The following MSTO1 variants were observed in gnomAD, a reference collection of about 807,000 sequenced individuals.
The protein encoded by MSTO1 is misato mitochondrial distribution and morphology regulator 1.
A neutral mutation model predicts 55.7 loss-of-function variants in MSTO1; 24 were observed. The observed-to-expected ratio is 0.43, with a 90% CI of 0.31 to 0.61. The LOEUF is 0.61. Among genes scored for constraint, MSTO1 ranks in the 20% least tolerant of loss-of-function variants. The probability of loss-of-function intolerance (pLI) is 0.09; values close to 1 mark genes in which losing one functional copy is unlikely to be tolerated. For synonymous variants in MSTO1, 162 were observed against 252.8 expected, an observed-to-expected ratio of 0.64 and a Z score of 3.41; for missense variants, 363 against 625.7, an observed-to-expected ratio of 0.58 and a Z score of 4.48.
At chr1:155,603,009 A>G in the MSTO1 span, among the ~76,000 whole-genome samples, 2 of 152,160 alleles carry the variant, frequency 1.3e-5, no homozygotes, top group African/African-American at 4.8e-5. Flanking sequence ...CTCATTCTGG[A>G]CATTTTCATC....
the MSTO1 span, among the ~76,000 whole-genome samples, chr1:155,568,527 C>G: frequency 2.6e-5 from 4 of 152,156 alleles, no homozygotes. Flanking sequence ...CAACTTCCGC[C>G]TCCCGGATTC....
At chr1:155,572,413 C>G in the MSTO1 span, among the ~76,000 whole-genome samples, 1 of 151,966 alleles carries the variant, frequency 6.6e-6, no homozygotes, top group Admixed American at 6.6e-5. Flanking sequence ...ATATATCCTT[C>G]TTGTTAGAAT....
chr1:155,599,861 C>T, the MSTO1 span, among the ~76,000 whole-genome samples: 1 of 152,204 alleles, frequency 6.6e-6, no homozygotes, highest in African/African-American at 2.4e-5. Context: ...GATATGCATA[C>T]ACATAAACAT....
At chr1:155,592,775 G>A in the MSTO1 span, among the ~76,000 whole-genome samples, 10 of 151,994 alleles carry the variant, frequency 6.6e-5, no homozygotes, top group East Asian at 1.9e-3. Flanking sequence ...GGCTGGTCTC[G>A]AACTCCTGAC....
At chr1:155,609,243 A>ATATGTATATATT (rs59756178), upstream of MSTO1, among the ~76,000 whole-genome samples, 1 of 54,590 alleles carries the variant, frequency 1.8e-5, no homozygotes, top group Non-Finnish European at 3.0e-5. Context: ...ATATATATAT[A>ATATGTATATATT]TTTTTTTTTT....
At chr1:155,605,125 G>A in the MSTO1 span, among the ~76,000 whole-genome samples, 1 of 152,004 alleles carries the variant, frequency 6.6e-6, no homozygotes, top group Non-Finnish European at 1.5e-5. Flanking sequence ...GCCAGGCATG[G>A]TGGTGGGCAC....
At chr1:155,608,909 C>G (rs1476335596), upstream of MSTO1, among the ~76,000 whole-genome samples, 1 of 151,096 alleles carries the variant, frequency 6.6e-6, no homozygotes, top group African/African-American at 2.4e-5. Flanking sequence ...ACTGCAACTT[C>G]CACCTCCCAG....
chr1:155,594,894 T>G, the MSTO1 span, among the ~76,000 whole-genome samples: 1 of 152,130 alleles, frequency 6.6e-6, no homozygotes, highest in Non-Finnish European at 1.5e-5. Flanking sequence ...CCAAGCACTT[T>G]GGGAGGTCAG....
At chr1:155,605,275 C>G (rs775980708), upstream of MSTO1, among the ~76,000 whole-genome samples, 4 of 151,790 alleles carry the variant, frequency 2.6e-5, no homozygotes, top group Non-Finnish European at 4.4e-5. Context: ...CAAAACAAAA[C>G]AAAACAAAAC....
chr1:155,563,546 A>T, the MSTO1 span: 1 of 456,302 alleles, frequency 2.2e-6, no homozygotes, highest in South Asian at 1.5e-5. Flanking sequence ...ATTTCACACC[A>T]CTGTCCATAT....
the MSTO1 span, chr1:155,590,894 C>T: frequency 6.2e-7 from 1 of 1,612,628 alleles, no homozygotes; most frequent in African/African-American, 1.3e-5. Context: ...GTGACAAAGA[C>T]AATCCCAGAG....
the MSTO1 span, among the ~76,000 whole-genome samples, chr1:155,567,843 T>A: frequency 6.7e-6 from 1 of 149,380 alleles, no homozygotes; most frequent in Admixed American, 6.7e-5. Context: ...GAGACCAGCC[T>A]GGCCAACATG....
chr1:155,611,651 A>T, intron 5 of MSTO1, 38 bp from the exon 6 acceptor site: 1 of 1,267,456 alleles, frequency 7.9e-7, no homozygotes, highest in Non-Finnish European at 1.1e-6. Flanking sequence ...GTAGAGCAGA[A>T]ACATGGAGAA....
chr1:155,585,119 A>C, the MSTO1 span, among the ~76,000 whole-genome samples: 1 of 152,192 alleles, frequency 6.6e-6, no homozygotes, highest in South Asian at 2.1e-4. Flanking sequence ...GGACTATAAC[A>C]GTTTGTTCAC....
At chr1:155,590,328 C>T in the MSTO1 span, among the ~76,000 whole-genome samples, 2 of 152,134 alleles carry the variant, frequency 1.3e-5, no homozygotes, top group East Asian at 1.9e-4. Context: ...ATTAGTTCCA[C>T]AGCTTGACTG....
At chr1:155,586,163 A>C in the MSTO1 span, among the ~76,000 whole-genome samples, 1 of 147,518 alleles carries the variant, frequency 6.8e-6, no homozygotes, top group South Asian at 2.1e-4. Context: ...TCTATTTCTC[A>C]GTGTACATGT....
At chr1:155,609,364 GC>G (rs1463981312), upstream of MSTO1, among the ~76,000 whole-genome samples, 1 of 147,786 alleles carries the variant, frequency 6.8e-6, no homozygotes, top group African/African-American at 2.5e-5. Context: ...GCCTGCCTCA[GC>G]CTCCCGAGTA....
chr1:155,576,153 A>G, the MSTO1 span, among the ~76,000 whole-genome samples: 2 of 151,756 alleles, frequency 1.3e-5, no homozygotes, highest in Admixed American at 1.3e-4. Flanking sequence ...CCTTTTTATT[A>G]AGTTGTAAAT....
chr1:155,576,004 T>C, the MSTO1 span, among the ~76,000 whole-genome samples: 4 of 151,464 alleles, frequency 2.6e-5, no homozygotes, highest in Non-Finnish European at 4.4e-5. Context: ...GTATTTTTAG[T>C]AGAGAAGGGG....
Sources: gnomAD v4.1 joint callset for allele counts (sites outside exome capture counted in the v4.1 genomes callset) on GRCh38, gnomAD v4.1.1 for gene constraint, MANE v1.5 for transcripts, NCBI Gene and HGNC (gene_info 2026-07-23, HGNC 2026-07-21) for gene names.